Variants in FHAD1 observed in about 807,000 individuals in gnomAD.
FHAD1 encodes forkhead-associated domain-containing protein 1.
A neutral mutation model predicts 191.3 loss-of-function variants in FHAD1; 146 were observed. That is an observed-to-expected ratio of 0.76 (90% confidence interval 0.67 to 0.88). FHAD1 has a LOEUF of 0.88. Among genes scored for constraint, FHAD1 ranks in the 40% least tolerant of loss-of-function variants. The pLI, the probability that FHAD1 is intolerant of heterozygous loss-of-function variation, is 0.00. For missense variants in FHAD1, 1,635 were observed against 1,785.8 expected (o/e 0.92, Z 1.52); for synonymous variants, 616 against 672.3 (o/e 0.92, Z 1.29).
chr1:15,364,808 A>G (rs1401803882), intron 23 of FHAD1, among the ~76,000 whole-genome samples: 1 of 152,118 alleles, frequency 6.6e-6, no homozygotes, highest in Non-Finnish European at 1.5e-5. Context: ...TTGCTGAGAC[A>G]TGCACCCTGT....
chr1:15,315,548 C>T lies in FHAD1; in HGVS notation c.1171-830C>T, dbSNP rs557976843. Among the ~76,000 whole-genome samples, 26 of 146,382 alleles carry T rather than the reference C, an allele frequency of 1.8e-4. No homozygotes were observed. The South Asian group carries it at 2.2e-3, about 12-fold the overall frequency. ...TCACTCAGGCTGGAGTGCAGTGGCG[C>T]GATCTCAGCTCACTGCAAGCTCTGC... On this transcript the variant is annotated intron_variant, in intron 8 of 33. Coordinates refer to ENST00000688493, the MANE Select transcript of FHAD1 (RefSeq NM_001391957.1).
At chr1:15,393,804 AAAT>A (rs1400859365) in intron 33 of FHAD1, among the ~76,000 whole-genome samples, 1 of 151,890 alleles carries the variant, frequency 6.6e-6, no homozygotes, top group Non-Finnish European at 1.5e-5. Flanking sequence ...CATAATGATT[AAAT>A]AATAACTTTG....
chr1:15,239,434 AC>A (rs1163109796), intron 1 of FHAD1, among the ~76,000 whole-genome samples: 1 of 152,068 alleles, frequency 6.6e-6, no homozygotes, highest in East Asian at 1.9e-4. Flanking sequence ...TAAAAATACA[AC>A]AAATTAGCCA....
At chr1:15,348,689 A>G (rs954960727) in intron 18 of FHAD1, among the ~76,000 whole-genome samples, 3 of 152,264 alleles carry the variant, frequency 2.0e-5, no homozygotes, top group African/African-American at 7.2e-5. Context: ...CGTGATAGGA[A>G]GCTGCCCCCG....
rs1179022642 is a variant in FHAD1, at chr1:15,324,576, GC to G, written c.1473+23del. The G allele has an allele frequency of 2.0e-6, 3 of 1,522,982 alleles. No individual in the cohort carries two copies. The allele number at this position is 1,522,982 out of a possible 1,614,324, so 94.3% of individuals were successfully genotyped here. ...GTAGGTCAGGTAGGCATGTTCCAGA[GC>G]CCCCCTCATTGGCCCACGCTCTCCA... On this transcript the variant is annotated intron_variant, in intron 11 of 33. Coordinates refer to ENST00000688493, the MANE Select transcript of FHAD1 (RefSeq NM_001391957.1).
chr1:15,264,687 T>C (rs1652684140), intron 2 of FHAD1, among the ~76,000 whole-genome samples: 1 of 152,164 alleles, frequency 6.6e-6, no homozygotes, highest in South Asian at 2.1e-4. Context: ...CTAACTGCTC[T>C]GACTAGGACT....
At chr1:15,243,290 C>A (rs2100589292), upstream of FHAD1, among the ~76,000 whole-genome samples, 1 of 151,680 alleles carries the variant, frequency 6.6e-6, no homozygotes, top group East Asian at 1.9e-4. Context: ...AAAATCTGTA[C>A]TTTCTAAGCT....
chr1:15,342,478 A>G (rs1357487831), intron 16 of FHAD1, among the ~76,000 whole-genome samples: 1 of 152,108 alleles, frequency 6.6e-6, no homozygotes. Context: ...GCAGATCCAC[A>G]TTTTCTTAGG....
rs555197705 is a variant in FHAD1 at position 15,331,714 on chromosome 1, G to A, written c.1906+2173G>A. Among the ~76,000 whole-genome samples, 21 of 151,710 alleles carry A rather than the reference G, an allele frequency of 1.4e-4. 1 individual carries two copies. The South Asian group carries it at 4.0e-3, about 29-fold the overall frequency. On this transcript the variant is annotated intron_variant, in intron 14 of 33. Coordinates refer to ENST00000688493, the MANE Select transcript of FHAD1 (RefSeq NM_001391957.1). ...AGGCAGGAGGGAAGGCAGGAAGGAA[G>A]GCAGGAGGGAAGGCAGGAAGGCAGG...
chr1:15,393,257 T>A (rs1403034377), intron 33 of FHAD1: 1 of 152,102 alleles, frequency 6.6e-6, no homozygotes, highest in Non-Finnish European at 1.5e-5. Flanking sequence ...GTATTTTTAG[T>A]AGAGACGGGG....
intron 14 of FHAD1, among the ~76,000 whole-genome samples, chr1:15,331,462 G>A (rs1681392017): frequency 7.0e-6 from 1 of 142,274 alleles, no homozygotes; most frequent in Admixed American, 7.2e-5. Flanking sequence ...ATGGATGGAA[G>A]GGTGAGTGGG....
In FHAD1 at chr1:15,375,702, C is replaced by G; in HGVS notation, c.3677C>G (p.Pro1226Arg). 1 of 1,545,940 alleles carries G rather than the reference C, an allele frequency of 6.5e-7. No individual in the cohort carries two copies. Among genetic ancestry groups the G allele is most frequent in the South Asian group, 1.2e-5 (1 of 82,758 alleles). ...CTACTGGATGCAAAACCGGATTTGC[C>G]AACTCTCTCAAGAATAGAGATCCTA... ...KILLDAKPDL[P>R]TLSRIEILAP... is the part of the protein sequence containing the mutation. Residue 1226 changes from proline (P) to arginine (R), a missense_variant, in exon 28 of 34, where the codon CCA (proline) becomes CGA (arginine). By Grantham distance (103) the Pro-to-Arg change is moderately radical. Coordinates refer to ENST00000688493, the MANE Select transcript of FHAD1 (RefSeq NM_001391957.1).
intron 6 of FHAD1, among the ~76,000 whole-genome samples, chr1:15,303,490 T>C (rs1669451392): frequency 1.3e-5 from 2 of 152,226 alleles, no homozygotes; most frequent in Admixed American, 6.5e-5. Context: ...TGTCCACATT[T>C]TGGGTATTGT....
At chr1:15,367,179 T>A (rs1010510256) in intron 24 of FHAD1, among the ~76,000 whole-genome samples, 1 of 152,132 alleles carries the variant, frequency 6.6e-6, no homozygotes, top group Admixed American at 6.5e-5. Flanking sequence ...CCTTACCTCA[T>A]TGAGCCTCAG....
chr1:15,335,988 G>A (rs1053311936), intron 14 of FHAD1, among the ~76,000 whole-genome samples: 5 of 152,162 alleles, frequency 3.3e-5, no homozygotes, highest in African/African-American at 1.2e-4. Context: ...ACAAATCCCT[G>A]TATTCACCAG....
In FHAD1 at chr1:15,362,572, A is replaced by G. The variant is rs1006130857; in HGVS notation, c.2963-70A>G. 2.6e-5 allele frequency: 33 copies of G among 1,260,820 alleles called. No homozygotes were observed. The South Asian group carries it at 3.7e-4, about 14-fold the overall frequency. The allele number at this position is 1,260,820 out of a possible 1,614,324, so 78.1% of individuals were successfully genotyped here. Reference sequence around the variant, plus strand: ...GCAGGGTTTGTAAGTTGTGAAAGACACAGGTGTGCTTGTAAGCAAAGGGGA... The same window carrying G: ...GCAGGGTTTGTAAGTTGTGAAAGACGCAGGTGTGCTTGTAAGCAAAGGGGA... On this transcript the variant is annotated intron_variant, in intron 22 of 33. Coordinates refer to ENST00000688493, the MANE Select transcript of FHAD1 (RefSeq NM_001391957.1).
chr1:15,321,779 TTG>T (rs1431094690), intron 10 of FHAD1, among the ~76,000 whole-genome samples: 2 of 152,234 alleles, frequency 1.3e-5, no homozygotes, highest in Non-Finnish European at 2.9e-5. Flanking sequence ...ATATGTGTGA[TTG>T]TGCATGTTTG....
intron 2 of FHAD1, among the ~76,000 whole-genome samples, chr1:15,265,133 C>A (rs2101058342): frequency 6.6e-6 from 1 of 152,270 alleles, no homozygotes; most frequent in African/African-American, 2.4e-5. Flanking sequence ...CTGTAGTTTT[C>A]TTATAATGTC....
intron 31 of FHAD1, among the ~76,000 whole-genome samples, chr1:15,382,651 G>A (rs1701183109): frequency 6.6e-6 from 1 of 152,204 alleles, no homozygotes; most frequent in Non-Finnish European, 1.5e-5. Flanking sequence ...TGGATGGGCA[G>A]ATGGATGTCC....
Sources: allele counts gnomAD v4.1 joint callset (sites outside exome capture counted in the v4.1 genomes callset), GRCh38; gene constraint gnomAD v4.1.1; transcripts MANE v1.5; gene names NCBI Gene and HGNC (gene_info 2026-07-23, HGNC 2026-07-21).